Variants in WWOX observed in about 807,000 individuals in gnomAD.
WWOX encodes WW domain containing oxidoreductase, also known as WW domain-containing oxidoreductase.
In WWOX, 69 loss-of-function variants were observed where a neutral mutation model predicts 46.2. That is an observed-to-expected ratio of 1.49 (90% CI 1.23 to 1.82). WWOX has a LOEUF of 1.82. Among genes scored for constraint, WWOX ranks in the 40% most tolerant of loss-of-function variants. The probability of loss-of-function intolerance (pLI) is 0.00; values close to 1 mark genes in which losing one functional copy is unlikely to be tolerated. For synonymous variants in WWOX, 359 were observed against 202.6 expected (o/e 1.77, Z -6.56); for missense variants, 919 against 542.6 (o/e 1.69, Z -6.89).
rs146487219 is a variant in WWOX at position 78,690,813 on chromosome 16, A to AT, written c.1056+258062dup. Among the ~76,000 whole-genome samples, 516 of 152,302 alleles carry AT rather than the reference A, an allele frequency of 3.4e-3. 3 individuals are homozygous for AT. Among genetic ancestry groups the AT allele is most frequent in the African/African-American group, 0.012 (492 of 41,562 alleles). Reference sequence around the variant, plus strand: ...AACCGTTCAGTAAAATGAATGGCATATGCGTATGTTTCAAGAGCTCCAGCA... The same window carrying AT: ...AACCGTTCAGTAAAATGAATGGCATATTGCGTATGTTTCAAGAGCTCCAGCA... On this transcript the variant is annotated intron_variant, in intron 8 of 8. Transcript: ENST00000566780.
At chr16:79,026,831 A>G (rs201789228) in intron 8 of WWOX, among the ~76,000 whole-genome samples, 6 of 142,558 alleles carry the variant, frequency 4.2e-5, no homozygotes, top group East Asian at 2.1e-4. Context: ...GGGTTTCACC[A>G]TGTTAGCCAG....
chr16:78,836,118 T>G (rs1222051287), intron 8 of WWOX, among the ~76,000 whole-genome samples: 1 of 152,178 alleles, frequency 6.6e-6, no homozygotes, highest in East Asian at 1.9e-4. Flanking sequence ...AATTTAGAGA[T>G]CTATATATAC....
At chr16:78,760,594 G>T (rs62038561) in intron 8 of WWOX, among the ~76,000 whole-genome samples, 10,760 of 152,216 alleles carry the variant, frequency 0.071, 540 homozygotes, top group Non-Finnish European at 0.11. Flanking sequence ...TTTTGTGTCT[G>T]TGTCTCCCCT....
chr16:78,944,392 G>A (rs765241638), intron 8 of WWOX, among the ~76,000 whole-genome samples: 10 of 152,136 alleles, frequency 6.6e-5, no homozygotes, highest in African/African-American at 1.2e-4. Context: ...CTCAAGACAC[G>A]TTTGTTGCAT....
At chr16:78,762,755 G>C (rs545901239) in intron 8 of WWOX, among the ~76,000 whole-genome samples, 1 of 152,168 alleles carries the variant, frequency 6.6e-6, no homozygotes, top group Non-Finnish European at 1.5e-5. Context: ...CTACATCCCA[G>C]CTGTGTATTG....
intron 8 of WWOX, chr16:78,890,445 A>C (rs1249035836): frequency 2.0e-5 from 3 of 151,464 alleles, no homozygotes; most frequent in African/African-American, 7.3e-5. Flanking sequence ...GCCTTCTGAG[A>C]CTGTTCCCCC....
chr16:78,559,668 T>A (rs182431467), intron 8 of WWOX, among the ~76,000 whole-genome samples: 5 of 152,290 alleles, frequency 3.3e-5, no homozygotes, highest in African/African-American at 1.2e-4. Context: ...CGGGAGGATT[T>A]TCTTTTCTTT....
At chr16:78,385,393 C>T (rs909416943) in intron 5 of WWOX, among the ~76,000 whole-genome samples, 4 of 152,168 alleles carry the variant, frequency 2.6e-5, no homozygotes, top group Admixed American at 1.3e-4. Flanking sequence ...GATAATTTGT[C>T]TTCCAGACAG....
At chr16:78,932,624 C>G (rs1242704763) in intron 8 of WWOX, among the ~76,000 whole-genome samples, 1 of 152,214 alleles carries the variant, frequency 6.6e-6, no homozygotes, top group African/African-American at 2.4e-5. Flanking sequence ...TGCTGACCTC[C>G]CTGAAAGAGA....
chr16:78,151,265 C>T (rs899733054), intron 4 of WWOX, among the ~76,000 whole-genome samples: 2 of 152,118 alleles, frequency 1.3e-5, no homozygotes, highest in Non-Finnish European at 2.9e-5. Context: ...CACAAATCCA[C>T]AGTCACATGG....
At chr16:78,485,392 T>C (rs1276802267) in intron 8 of WWOX, among the ~76,000 whole-genome samples, 1 of 152,124 alleles carries the variant, frequency 6.6e-6, no homozygotes, top group Non-Finnish European at 1.5e-5. Context: ...GTTTTGGGTT[T>C]CTTTTGAGGT....
chr16:78,468,041 C>G (rs764025195), intron 8 of WWOX, among the ~76,000 whole-genome samples: 2 of 152,080 alleles, frequency 1.3e-5, no homozygotes, highest in Non-Finnish European at 2.9e-5. Flanking sequence ...GCTCAAAATT[C>G]TCTCTGCTCT....
chr16:78,391,824 G>A (rs1053409847), intron 6 of WWOX, among the ~76,000 whole-genome samples: 8 of 152,146 alleles, frequency 5.3e-5, no homozygotes, highest in Non-Finnish European at 8.8e-5. Flanking sequence ...GGGACAGTGA[G>A]ACTCTGTCTC....
intron 8 of WWOX, among the ~76,000 whole-genome samples, chr16:78,805,764 C>A (rs769932841): frequency 7.2e-5 from 11 of 152,178 alleles, no homozygotes; most frequent in Non-Finnish European, 1.5e-4. Context: ...GGCTATATCT[C>A]CATAGATATC....
intron 8 of WWOX, among the ~76,000 whole-genome samples, chr16:79,056,121 C>T (rs1269604229): frequency 2.0e-5 from 3 of 151,820 alleles, no homozygotes; most frequent in Non-Finnish European, 2.9e-5. Flanking sequence ...ATTAAATTCT[C>T]ATCTTGTAAA....
chr16:78,104,231 A>AAAACACACACACACAC (rs1555534029), intron 1 of WWOX, among the ~76,000 whole-genome samples: 9 of 130,124 alleles, frequency 6.9e-5, no homozygotes, highest in Admixed American at 7.7e-5. Flanking sequence ...CTGTGCTCAA[A>AAAACACACACACACAC]ACACACACAC....
At chr16:78,520,423 A>G (rs1035480352) in intron 8 of WWOX, among the ~76,000 whole-genome samples, 1 of 152,238 alleles carries the variant, frequency 6.6e-6, no homozygotes, top group Non-Finnish European at 1.5e-5. Flanking sequence ...GAGGCTGGAA[A>G]GGCAGGTGGA....
chr16:78,635,187 C>G lies in WWOX; in HGVS notation c.1056+202435C>G, dbSNP rs892376231. On this transcript the variant is annotated intron_variant, in intron 8 of 8. Transcript: ENST00000566780. ...ACATCTGCAGTCAAAGGCTTCCTGA[C>G]TCAGGATTTGCTGGGGTCTGGCTCT... Among the ~76,000 whole-genome samples the G allele has an allele frequency of 5.9e-5, 9 of 152,316 alleles. No homozygotes were observed. In the South Asian group the frequency reaches 1.7e-3, roughly 28 times the overall value.
chr16:78,423,489 G>T (rs949927702), intron 6 of WWOX, among the ~76,000 whole-genome samples: 4 of 152,118 alleles, frequency 2.6e-5, no homozygotes, highest in African/African-American at 9.7e-5. Context: ...TATTGGTACA[G>T]TATGATTTTT....
Sources: allele counts gnomAD v4.1 joint callset (sites outside exome capture counted in the v4.1 genomes callset), GRCh38; gene constraint gnomAD v4.1.1; transcripts MANE v1.5; gene names NCBI Gene and HGNC (gene_info 2026-07-23, HGNC 2026-07-21).